The following DYNC2H1 variants were observed in gnomAD, a reference collection of about 807,000 sequenced individuals.
DYNC2H1 encodes cytoplasmic dynein 2 heavy chain 1.
A neutral mutation model predicts 570.0 loss-of-function variants in DYNC2H1; 410 were observed. That is an observed-to-expected ratio of 0.72 (90% CI 0.66 to 0.78). DYNC2H1 has a LOEUF of 0.78. Ranked by LOEUF, DYNC2H1 falls within the 30% of genes least tolerant of loss-of-function variation. DYNC2H1 has a pLI of 0.00. For missense variants in DYNC2H1, 4,865 were observed against 5,046.4 expected (o/e 0.96, Z 1.09); for synonymous variants, 1,688 against 1,677.6 (o/e 1.01, Z -0.15).
At chr11:103,208,006 AT>A (rs1863005214) in intron 52 of DYNC2H1, among the ~76,000 whole-genome samples, 1 of 152,104 alleles carries the variant, frequency 6.6e-6, no homozygotes, top group African/African-American at 2.4e-5. Flanking sequence ...GAGTTTCAGG[AT>A]TTTGATGTTG....
intron 84 of DYNC2H1, among the ~76,000 whole-genome samples, chr11:103,421,916 T>C (rs1394618161): frequency 6.6e-6 from 1 of 151,664 alleles, no homozygotes; most frequent in East Asian, 1.9e-4. Flanking sequence ...ACTGGTTTTT[T>C]TTTTTTATAA....
chr11:103,372,924 G>A (rs190688660), intron 83 of DYNC2H1, among the ~76,000 whole-genome samples: 27 of 152,030 alleles, frequency 1.8e-4, no homozygotes, highest in Admixed American at 6.6e-4. Context: ...ACTTGTTATT[G>A]GTTTGTTCAA....
chr11:103,423,375 C>CTAGAG (rs1240367609), intron 84 of DYNC2H1, among the ~76,000 whole-genome samples: 3 of 122,300 alleles, frequency 2.5e-5, no homozygotes, highest in African/African-American at 8.3e-5. Context: ...ACAAATGGTA[C>CTAGAG]TAGAGTAATT....
At chr11:103,286,885 G>T (rs539645773) in intron 74 of DYNC2H1, among the ~76,000 whole-genome samples, 1 of 152,212 alleles carries the variant, frequency 6.6e-6, no homozygotes, top group East Asian at 1.9e-4. Context: ...CTCTTCTCTG[G>T]ATCTAACCCC....
intron 50 of DYNC2H1, among the ~76,000 whole-genome samples, chr11:103,202,814 A>C (rs1862777011): frequency 6.6e-6 from 1 of 152,188 alleles, no homozygotes; most frequent in Non-Finnish European, 1.5e-5. Flanking sequence ...TGCAGGACCA[A>C]GTTTTAAATA....
intron 87 of DYNC2H1, among the ~76,000 whole-genome samples, chr11:103,458,771 C>T (rs1944887464): frequency 6.6e-6 from 1 of 152,094 alleles, no homozygotes; most frequent in South Asian, 2.1e-4. Flanking sequence ...GCAACCCCAA[C>T]CTTTTTTTGT....
chr11:103,291,634 G>A (rs1866604476), intron 75 of DYNC2H1, among the ~76,000 whole-genome samples: 1 of 152,052 alleles, frequency 6.6e-6, no homozygotes, highest in Non-Finnish European at 1.5e-5. Context: ...TGGATGATCT[G>A]TCTAATGCTT....
At chr11:103,173,981 A>T in intron 35 of DYNC2H1, 74 bp from the exon 36 acceptor site, 1 of 1,038,808 alleles carries the variant, frequency 9.6e-7, no homozygotes, top group Non-Finnish European at 1.4e-6. Context: ...TATATTCTGT[A>T]TTTCTTTGGA....
chr11:103,188,790 T>C (rs1160471935), intron 44 of DYNC2H1, 142 bp downstream of exon 44: 2 of 636,974 alleles, frequency 3.1e-6, no homozygotes, highest in Admixed American at 8.0e-5. Context: ...TTTCCTACCC[T>C]TCTCAAAATA....
At chr11:103,262,913 G>A (rs138505058) in intron 70 of DYNC2H1, among the ~76,000 whole-genome samples, 2,129 of 149,826 alleles carry the variant, frequency 0.014, 34 homozygotes, top group Non-Finnish European at 0.022. Flanking sequence ...AAATAGGATA[G>A]AGTCAACACC....
At chr11:103,343,750 C>T (rs775607381) in intron 82 of DYNC2H1, among the ~76,000 whole-genome samples, 6 of 147,026 alleles carry the variant, frequency 4.1e-5, no homozygotes, top group East Asian at 2.0e-4. Flanking sequence ...ACTTTGTTTT[C>T]CTCAAATGAG....
In DYNC2H1 at chr11:103,219,921, A is replaced by G. The variant is rs1863523457; in HGVS notation, c.8839A>G (p.Ser2947Gly). ...CACTTAAATATTCTTATAGGATGCT[A>G]GTGAGCAAAAAACAGAACTTGAAAG... ...QMITVSMQDASEQKTELERLK... is the reference protein window; with the variant it reads ...QMITVSMQDAGEQKTELERLK... The change falls in exon 56 of 89, where the codon AGT (serine) becomes GGT (glycine). Residue 2947 changes from serine to glycine, a missense_variant. By Grantham distance (56) the Ser-to-Gly change is moderately conservative. This residue lies in a region of DYNC2H1 where 2,401 missense variants were observed against 2,454.6 expected (regional missense o/e 0.98). Transcript: ENST00000375735. 1.3e-5 allele frequency: 20 copies of G among 1,515,808 alleles called. No homozygotes were observed. Among genetic ancestry groups the G allele is most frequent in the African/African-American group, 2.9e-5 (2 of 69,176 alleles). 93.9% of individuals were successfully genotyped at this position (1,515,808 alleles called of 1,614,324 possible). A position where few individuals can be genotyped will look rare whatever the true frequency, so the allele number is the denominator to read the frequency against.
Position 103,186,370 on chromosome 11 carries a change from C to T in DYNC2H1, c.6762C>T (p.Phe2254=), listed in dbSNP as rs771215305. The T allele has an allele frequency of 1.9e-6, 3 of 1,612,876 alleles. No homozygotes were observed. The South Asian group carries it at 3.3e-5, about 18-fold the overall frequency. Residue 2254 remains phenylalanine, a synonymous_variant, in exon 42 of 89, where the codon TTC becomes TTT. Transcript: ENST00000375735. The surrounding 1 kb of genome is among the most constrained non-coding windows in gnomAD (Gnocchi z 4.5). The part of the protein sequence containing the change: ...KKPEDLTADD[F]SNGLTLPVIQ... ...CAGAAGACTTGACTGCTGATGATTTCAGTAACGGCTTAACTCTTCCAGTCA... is the reference window on the plus strand; with the variant it reads ...CAGAAGACTTGACTGCTGATGATTTTAGTAACGGCTTAACTCTTCCAGTCA...
intron 83 of DYNC2H1, among the ~76,000 whole-genome samples, chr11:103,378,733 C>A (rs752470994): frequency 3.9e-5 from 6 of 152,126 alleles, no homozygotes; most frequent in Non-Finnish European, 7.4e-5. Context: ...CTGAAAATAT[C>A]TTTATTTCAT....
intron 6 of DYNC2H1, among the ~76,000 whole-genome samples, chr11:103,118,990 G>GT (rs145966299): frequency 0.033 from 5,079 of 152,054 alleles, 293 homozygotes; most frequent in African/African-American, 0.12. Context: ...TAATTCTGGT[G>GT]TTTTTTCTGC....
intron 85 of DYNC2H1, among the ~76,000 whole-genome samples, chr11:103,443,011 T>C (rs140813013): frequency 1.4e-3 from 215 of 152,036 alleles, no homozygotes; most frequent in African/African-American, 4.9e-3. Flanking sequence ...TTAATCTTGT[T>C]TGAACATACG....
intron 48 of DYNC2H1, 30 bp downstream of exon 48, chr11:103,198,093 G>A: frequency 1.3e-6 from 2 of 1,544,100 alleles, no homozygotes; most frequent in East Asian, 2.4e-5. Flanking sequence ...TTGGAACTGG[G>A]ATTTGGTCAT....
chr11:103,222,793 T>C (rs1242671391), intron 58 of DYNC2H1, among the ~76,000 whole-genome samples, 172 bp from the exon 59 acceptor site: 7 of 152,226 alleles, frequency 4.6e-5, no homozygotes, highest in Admixed American at 4.6e-4. Context: ...AGTTCATGTA[T>C]ATTTCTTTTA....
At position 103,170,742 on chromosome 11, in the gene DYNC2H1, C is replaced by A; in HGVS notation, c.5152-144C>A. 1 of 744,808 alleles carries A rather than the reference C, an allele frequency of 1.3e-6. No homozygotes were observed. The highest frequency in any genetic ancestry group is 1.9e-6 in the Non-Finnish European group (1 of 529,702). 46.1% of individuals were successfully genotyped at this position (744,808 alleles called of 1,614,324 possible). On this transcript the variant is annotated intron_variant, in intron 33 of 88. Coordinates refer to ENST00000375735, the MANE Select transcript of DYNC2H1 (RefSeq NM_001377.3). The surrounding 1 kb of genome is among the most constrained non-coding windows in gnomAD (Gnocchi z 4.8). ...ATCAACCTGGGTTTTGAAAGAGTAG[C>A]TACTTAATCCGTATTTTAAAATGAG...
Sources: gnomAD v4.1 joint callset for allele counts (sites outside exome capture counted in the v4.1 genomes callset) on GRCh38, gnomAD v4.1.1 for gene constraint, gnomAD v4.1.1 regional missense constraint, Gnocchi (gnomAD v3.1) non-coding constraint, MANE v1.5 for transcripts, NCBI Gene and HGNC (gene_info 2026-07-23, HGNC 2026-07-21) for gene names.